DNAI7: variants seen among roughly 807,000 people sequenced by gnomAD.
DNAI7 encodes cancer susceptibility 1.
DNAI7 carries 78 observed loss-of-function variants against 86.6 expected under a neutral mutation model. The ratio of observed to expected loss-of-function variants is 0.90; its 90% CI spans 0.75 to 1.09. The LOEUF (loss-of-function observed/expected upper bound fraction) is 1.09. DNAI7 is among the 50% of genes least tolerant of loss of function. The pLI is 0.00. For synonymous variants in DNAI7, 274 were observed against 273.0 expected, an observed-to-expected ratio of 1.00 and a Z score of -0.04; for missense variants, 753 against 810.2, an observed-to-expected ratio of 0.93 and a Z score of 0.86.
chr12:25,107,091 T>C (rs1365663810), downstream of DNAI7: 3 of 1,134,896 alleles, frequency 2.6e-6, no homozygotes, highest in Middle Eastern at 2.0e-4. Context: ...TTTAGTGGAA[T>C]GGGAAAGGGT....
At chr12:25,130,302 C>G (rs906216223) in intron 9 of DNAI7, among the ~76,000 whole-genome samples, 2 of 151,888 alleles carry the variant, frequency 1.3e-5, no homozygotes, top group Non-Finnish European at 2.9e-5. Context: ...CTTTGGGAGG[C>G]CAAGGCAGGC....
At chr12:25,112,365 G>A (rs1939027822) in intron 13 of DNAI7, among the ~76,000 whole-genome samples, 1 of 149,722 alleles carries the variant, frequency 6.7e-6, no homozygotes, top group Non-Finnish European at 1.5e-5. Context: ...CTTGCGCGAA[G>A]TGACAGTTTG....
chr12:25,144,359 T>TCCTA lies in DNAI7; in HGVS notation c.1002+2_1002+5dup. On this transcript the variant is annotated splice_donor_region_variant and intron_variant, in intron 9 of 15. Coordinates refer to ENST00000395987, the MANE Select transcript of DNAI7 (RefSeq NM_018272.5). ...AAAAAAATGTGTATATTTAAATGTG[T>TCCTA]CCTACCATTTTCACTTCAATATCAC... 1 of 1,604,626 alleles carries TCCTA rather than the reference T, an allele frequency of 6.2e-7. No individual in the cohort carries two copies. The highest frequency in any genetic ancestry group is 8.5e-7 in the Non-Finnish European group (1 of 1,172,470).
intron 2 of DNAI7, among the ~76,000 whole-genome samples, chr12:25,177,372 T>C (rs984453465): frequency 9.9e-5 from 15 of 152,180 alleles, no homozygotes; most frequent in Non-Finnish European, 2.2e-4. Context: ...CCATTCTACT[T>C]TGTCTATATG....
intron 6 of DNAI7, among the ~76,000 whole-genome samples, chr12:25,151,887 T>C (rs564895569): frequency 3.9e-5 from 6 of 152,204 alleles, no homozygotes; most frequent in Non-Finnish European, 5.9e-5. Context: ...CTTAAAAGAG[T>C]CTACAGTTCT....
Position 25,159,434 on chromosome 12 carries a change from G to GA in DNAI7, c.107-872dup, listed in dbSNP as rs1003730164. Among the ~76,000 whole-genome samples, 93 of 122,348 alleles carry GA rather than the reference G, an allele frequency of 7.6e-4. No individual in the cohort carries two copies. The East Asian group carries it at 0.01, about 13-fold the overall frequency. The allele number at this position is 122,348 out of a possible 152,430, so 80.3% of individuals were successfully genotyped here. A position where few individuals can be genotyped will look rare whatever the true frequency, so the allele number is the denominator to read the frequency against. On this transcript the variant is annotated intron_variant, in intron 3 of 15. Transcript: ENST00000395987. ...CAAATTCCCATTTCCCAAAAAAAAA[G>GA]AAAAAAAAAAAGAAAGAAAGTAACA...
At chr12:25,150,073 C>T (rs1945313403) in intron 6 of DNAI7, among the ~76,000 whole-genome samples, 1 of 152,178 alleles carries the variant, frequency 6.6e-6, no homozygotes, top group African/African-American at 2.4e-5. Context: ...AGAGTGCCAT[C>T]TGTCTAATGT....
At chr12:25,137,358 A>T (rs1160261908) in intron 9 of DNAI7, among the ~76,000 whole-genome samples, 1 of 152,232 alleles carries the variant, frequency 6.6e-6, no homozygotes, top group East Asian at 1.9e-4. Context: ...CTAAGTCAGC[A>T]CTACAAGAAT....
chr12:25,120,582 C>T (rs918696840), intron 11 of DNAI7, among the ~76,000 whole-genome samples: 5 of 151,758 alleles, frequency 3.3e-5, no homozygotes, highest in African/African-American at 7.3e-5. Context: ...AAAAATTAGC[C>T]GGGCGTGGTA....
At chr12:25,108,933 G>T (rs548587822) in intron 15 of DNAI7, 110 bp from the exon 16 acceptor site, 23 of 664,252 alleles carry the variant, frequency 3.5e-5, no homozygotes, top group Non-Finnish European at 5.0e-5. Context: ...AATTGCAAAG[G>T]TTAAAAGAAA....
chr12:25,157,522 T>C (rs1311708874), intron 4 of DNAI7, among the ~76,000 whole-genome samples: 1 of 152,172 alleles, frequency 6.6e-6, no homozygotes, highest in Non-Finnish European at 1.5e-5. Flanking sequence ...AATGCCATCA[T>C]TTCCTTAATT....
chr12:25,175,799 G>C (rs1405128093), intron 2 of DNAI7, among the ~76,000 whole-genome samples: 1 of 151,824 alleles, frequency 6.6e-6, no homozygotes, highest in Admixed American at 6.6e-5. Flanking sequence ...CCAATAGAAG[G>C]CTGGGTGTGG....
At chr12:25,194,952 G>C in intron 1 of DNAI7, 124 bp downstream of exon 1, 2 of 1,614,198 alleles carry the variant, frequency 1.2e-6, no homozygotes, top group South Asian at 1.1e-5. Flanking sequence ...CAAGGTATGA[G>C]TTATTTCCCA....
At chr12:25,130,427 CTTGGG>C (rs1452852049) in intron 9 of DNAI7, among the ~76,000 whole-genome samples, 1 of 151,980 alleles carries the variant, frequency 6.6e-6, no homozygotes, top group Non-Finnish European at 1.5e-5. Context: ...GTCCCAGCTA[CTTGGG>C]AGGCTGAGGC....
chr12:25,159,936 A>G (rs1355533364), intron 3 of DNAI7, among the ~76,000 whole-genome samples: 3 of 152,152 alleles, frequency 2.0e-5, no homozygotes, highest in Non-Finnish European at 4.4e-5. Context: ...ATGTTTAATC[A>G]GTTTTTTAAC....
chr12:25,186,209 C>T (rs185669407), intron 2 of DNAI7, among the ~76,000 whole-genome samples: 26 of 152,176 alleles, frequency 1.7e-4, no homozygotes, highest in African/African-American at 5.5e-4. Context: ...GTATCATAAC[C>T]TTTTCTATAG....
chr12:25,111,115 G>A (rs1005817953), intron 14 of DNAI7, among the ~76,000 whole-genome samples: 18 of 152,012 alleles, frequency 1.2e-4, no homozygotes, highest in African/African-American at 4.1e-4. Context: ...AAATATTCTT[G>A]AGTACAGAAC....
At chr12:25,110,826 T>C (rs1228066470) in intron 14 of DNAI7, among the ~76,000 whole-genome samples, 1 of 152,192 alleles carries the variant, frequency 6.6e-6, no homozygotes, top group East Asian at 1.9e-4. Context: ...ATGTTTTCCT[T>C]CGACTGTGAA....
chr12:25,130,263 C>T (rs908120937), intron 9 of DNAI7, among the ~76,000 whole-genome samples: 2 of 151,962 alleles, frequency 1.3e-5, no homozygotes, highest in Non-Finnish European at 2.9e-5. Context: ...ATGGGCCGGG[C>T]GCGGTGGCTC....
Sources: allele counts gnomAD v4.1 joint callset (sites outside exome capture counted in the v4.1 genomes callset), GRCh38; gene constraint gnomAD v4.1.1; transcripts MANE v1.5; gene names NCBI Gene and HGNC (gene_info 2026-07-23, HGNC 2026-07-21).